CADPS: variants seen among roughly 807,000 people sequenced by gnomAD.
The protein encoded by CADPS is calcium dependent secretion activator.
A neutral mutation model predicts 167.3 loss-of-function variants in CADPS; 57 were observed. That is an observed-to-expected ratio of 0.34 (90% CI 0.28 to 0.42). The LOEUF (loss-of-function observed/expected upper bound fraction) is 0.42. CADPS is among the 20% of genes least tolerant of loss of function. CADPS has a pLI of 1.00. For missense variants in CADPS, 1,414 were observed against 1,738.1 expected, an observed-to-expected ratio of 0.81 and a Z score of 3.32; for synonymous variants, 676 against 635.3, an observed-to-expected ratio of 1.06 and a Z score of -0.96.
chr3:62,488,913 AAC>A (rs949350937), intron 21 of CADPS, among the ~76,000 whole-genome samples: 1 of 152,236 alleles, frequency 6.6e-6, no homozygotes, highest in Non-Finnish European at 1.5e-5. Context: ...GCTACTAAAA[AAC>A]ACACACGTAT....
intron 4 of CADPS, among the ~76,000 whole-genome samples, chr3:62,655,329 T>A (rs1474194322): frequency 1.3e-5 from 2 of 152,182 alleles, no homozygotes; most frequent in East Asian, 1.9e-4. Flanking sequence ...CCATTGCTAC[T>A]TTTTCAAGCA....
intron 1 of CADPS, among the ~76,000 whole-genome samples, chr3:62,797,531 G>C (rs2093501254): frequency 6.6e-6 from 1 of 152,166 alleles, no homozygotes; most frequent in African/African-American, 2.4e-5. Flanking sequence ...GGATGGAGCT[G>C]GAGGCCATTA....
intron 17 of CADPS, among the ~76,000 whole-genome samples, chr3:62,505,748 C>T (rs2066566477): frequency 6.6e-6 from 1 of 152,186 alleles, no homozygotes; most frequent in African/African-American, 2.4e-5. Context: ...GATGCTTCTA[C>T]TTGAGCACTT....
intron 28 of CADPS, among the ~76,000 whole-genome samples, chr3:62,408,735 T>C (rs1230719885): frequency 1.3e-5 from 2 of 152,228 alleles, no homozygotes; most frequent in African/African-American, 4.8e-5. Flanking sequence ...TAATGGTACA[T>C]TTGTTTTCAG....
At position 62,874,781 on chromosome 3, in the gene CADPS, G is replaced by C; in HGVS notation, c.249C>G (p.Arg83=). 7.1e-6 allele frequency: 10 copies of C among 1,418,204 alleles called. No individual in the cohort carries two copies. The highest frequency in any genetic ancestry group is 9.5e-6 in the Non-Finnish European group (10 of 1,047,444). 87.9% of individuals were successfully genotyped at this position (1,418,204 alleles called of 1,614,324 possible). The part of the protein sequence containing the change: ...GGAGGLQPSS[R]AGGGRPSSPS... The stretch of plus-strand genomic sequence containing the variant: ...GGCTGGAGGGCCGGCCGCCGCCAGC[G>C]CGGCTGCTGGGTTGCAGCCCCCCGG... The change falls in exon 1 of 30, where the codon CGC becomes CGG. Residue 83 remains arginine, a synonymous_variant. Coordinates refer to ENST00000383710, the MANE Select transcript of CADPS (RefSeq NM_003716.4). This position sits in a 1 kb window ranked among gnomAD's most constrained non-coding sequence, Gnocchi z 7.1.
At chr3:62,706,599 C>T (rs2082345795) in intron 3 of CADPS, among the ~76,000 whole-genome samples, 1 of 152,124 alleles carries the variant, frequency 6.6e-6, no homozygotes. Flanking sequence ...AAGGGAGAGT[C>T]TGTTCTGGGC....
intron 28 of CADPS, among the ~76,000 whole-genome samples, chr3:62,417,677 T>C (rs1472487287): frequency 6.6e-6 from 1 of 151,994 alleles, no homozygotes; most frequent in Non-Finnish European, 1.5e-5. Context: ...AGTTCTATAG[T>C]GACATTAATA....
chr3:62,717,133 C>G (rs6809056), intron 3 of CADPS, among the ~76,000 whole-genome samples: 95,328 of 152,060 alleles, frequency 0.63, 30,458 homozygotes, highest in East Asian at 0.77. Context: ...CTCTCACTCA[C>G]TACACCCACT....
chr3:62,400,919 T>C (rs1705838946), intron 29 of CADPS, among the ~76,000 whole-genome samples: 1 of 152,114 alleles, frequency 6.6e-6, no homozygotes, highest in South Asian at 2.1e-4. Context: ...TTTTTAATAG[T>C]CCATCTAATG....
intron 3 of CADPS, among the ~76,000 whole-genome samples, chr3:62,750,002 G>C (rs2082339823): frequency 1.3e-5 from 2 of 152,140 alleles, no homozygotes; most frequent in Non-Finnish European, 2.9e-5. Flanking sequence ...TTTGTAAAAA[G>C]AATATATCAA....
intron 17 of CADPS, among the ~76,000 whole-genome samples, chr3:62,506,720 C>A (rs2066753121): frequency 6.6e-6 from 1 of 152,170 alleles, no homozygotes; most frequent in Non-Finnish European, 1.5e-5. Context: ...CTACACCTGG[C>A]CAACCATAGT....
chr3:62,666,125 T>C (rs2074353172), intron 3 of CADPS, among the ~76,000 whole-genome samples: 1 of 152,162 alleles, frequency 6.6e-6, no homozygotes, highest in African/African-American at 2.4e-5. Flanking sequence ...GAGGCTCCCA[T>C]CTCTTGACAA....
chr3:62,452,242 T>G (rs1166295964), intron 26 of CADPS, among the ~76,000 whole-genome samples: 1 of 152,192 alleles, frequency 6.6e-6, no homozygotes, highest in East Asian at 1.9e-4. Flanking sequence ...CCAGAAATCA[T>G]TGTCATTTCT....
intron 6 of CADPS, among the ~76,000 whole-genome samples, chr3:62,623,214 CCT>C (rs531423814): frequency 2.9e-4 from 44 of 152,246 alleles, no homozygotes; most frequent in Non-Finnish European, 5.6e-4. Flanking sequence ...ACATCTAGCC[CCT>C]GTGGCTCTCC....
intron 1 of CADPS, among the ~76,000 whole-genome samples, chr3:62,795,831 G>A (rs966966279): frequency 2.0e-5 from 3 of 152,174 alleles, no homozygotes; most frequent in Non-Finnish European, 4.4e-5. Context: ...TGCAAGACAT[G>A]AAAAAGGAGC....
In CADPS at chr3:62,875,110, C is replaced by T; in HGVS notation, c.-81G>A. The T allele has an allele frequency of 1.4e-6, 2 of 1,406,252 alleles. No individual in the cohort carries two copies. Among genetic ancestry groups the T allele is most frequent in the Non-Finnish European group, 1.9e-6 (2 of 1,066,664 alleles). The allele number at this position is 1,406,252 out of a possible 1,614,324, so 87.1% of individuals were successfully genotyped here. ...GGGGGCGCTGGAGGCAGCCGGGGAT[C>T]AGCTCTCCCGGGTGGGCGCTTCTCC... On this transcript the variant is annotated 5_prime_UTR_variant, in exon 1 of 30. Coordinates refer to ENST00000383710, the MANE Select transcript of CADPS (RefSeq NM_003716.4).
intron 6 of CADPS, among the ~76,000 whole-genome samples, chr3:62,612,471 T>C (rs1452575115): frequency 1.3e-5 from 2 of 152,244 alleles, no homozygotes; most frequent in Non-Finnish European, 2.9e-5. Flanking sequence ...TGTTGCCACT[T>C]GCCCCTTCCC....
At chr3:62,789,949 G>T (rs1234802466) in intron 1 of CADPS, among the ~76,000 whole-genome samples, 2 of 151,776 alleles carry the variant, frequency 1.3e-5, no homozygotes, top group African/African-American at 4.8e-5. Flanking sequence ...CTGTGAAATA[G>T]AGCCTTGAAA....
intron 2 of CADPS, among the ~76,000 whole-genome samples, chr3:62,759,753 CA>C (rs1204692484): frequency 6.6e-6 from 1 of 151,872 alleles, no homozygotes; most frequent in African/African-American, 2.4e-5. Flanking sequence ...GATGGGATTG[CA>C]AGTATTTTTT....
Sources: gnomAD v4.1 joint callset for allele counts (sites outside exome capture counted in the v4.1 genomes callset) on GRCh38, gnomAD v4.1.1 for gene constraint, Gnocchi (gnomAD v3.1) non-coding constraint, MANE v1.5 for transcripts, NCBI Gene and HGNC (gene_info 2026-07-23, HGNC 2026-07-21) for gene names.